The following TENM4 variants were observed in gnomAD, a reference collection of about 807,000 sequenced individuals.
TENM4 encodes the protein teneurin transmembrane protein 4, also known as teneurin-4.
TENM4 carries 82 observed loss-of-function variants against 243.3 expected under a neutral mutation model. The ratio of observed to expected loss-of-function variants is 0.34; its 90% CI spans 0.28 to 0.40. The LOEUF (loss-of-function observed/expected upper bound fraction) is 0.40. TENM4 is among the 10% of genes least tolerant of loss of function. The pLI is 1.00. For missense variants in TENM4, 3,138 were observed against 3,673.3 expected, an observed-to-expected ratio of 0.85 and a Z score of 3.77; for synonymous variants, 1,412 against 1,456.3, an observed-to-expected ratio of 0.97 and a Z score of 0.69.
chr11:78,993,740 G>A (rs934265551), intron 6 of TENM4, among the ~76,000 whole-genome samples: 7 of 152,052 alleles, frequency 4.6e-5, no homozygotes, highest in Non-Finnish European at 1.0e-4. Context: ...AAGATGTTCT[G>A]TTTGCTCACT....
chr11:79,347,762 CTTTTTTTTTTT>C (rs528675032), intron 1 of TENM4, among the ~76,000 whole-genome samples: 3 of 94,692 alleles, frequency 3.2e-5, no homozygotes, highest in African/African-American at 8.8e-5. Flanking sequence ...CTATCCTCTC[CTTTTTTTTTTT>C]TTTTTTTTTT....
intron 6 of TENM4, among the ~76,000 whole-genome samples, chr11:79,007,182 GTATT>G (rs961533101): frequency 2.2e-4 from 33 of 152,296 alleles, no homozygotes; most frequent in African/African-American, 7.9e-4. Flanking sequence ...CCTGTTGGTA[GTATT>G]TCTCCGGAGA....
chr11:79,136,981 G>A lies in TENM4; in HGVS notation c.-66+11729C>T, dbSNP rs117179692. On this transcript the variant is annotated intron_variant, in intron 4 of 33. Coordinates refer to ENST00000278550, the MANE Select transcript of TENM4 (RefSeq NM_001098816.3). ...AGAAGGCCGTGTATGCTCTGAATCA[G>A]CATCCAATCTATGGCACTGTTTCTC... Among the ~76,000 whole-genome samples the A allele has an allele frequency of 9.8e-3, 1,488 of 152,262 alleles. 36 individuals are homozygous for A. The highest frequency in any genetic ancestry group is 0.073 in the East Asian group (378 of 5,166).
chr11:79,347,908 T>C (rs1160801311), intron 1 of TENM4, among the ~76,000 whole-genome samples: 1 of 151,396 alleles, frequency 6.6e-6, no homozygotes, highest in Admixed American at 6.6e-5. Flanking sequence ...GCCTCCCCAG[T>C]AGCTGGGACT....
At chr11:79,126,436 A>T (rs1408997399) in intron 4 of TENM4, among the ~76,000 whole-genome samples, 3 of 152,234 alleles carry the variant, frequency 2.0e-5, no homozygotes, top group African/African-American at 7.2e-5. Flanking sequence ...GAATAATTGG[A>T]TCCCAAGGTG....
intron 1 of TENM4, among the ~76,000 whole-genome samples, chr11:79,346,068 T>C (rs1051031833): frequency 6.6e-6 from 1 of 152,208 alleles, no homozygotes; most frequent in Non-Finnish European, 1.5e-5. Context: ...GATCTCAGTC[T>C]GAAAAGCATA....
intron 25 of TENM4, among the ~76,000 whole-genome samples, chr11:78,716,005 G>A (rs1859513545): frequency 6.6e-6 from 1 of 152,170 alleles, no homozygotes; most frequent in African/African-American, 2.4e-5. Context: ...CACTGCGCTA[G>A]CACTTGATGC....
At chr11:78,927,586 C>T (rs1008057048) in intron 6 of TENM4, among the ~76,000 whole-genome samples, 87 of 152,258 alleles carry the variant, frequency 5.7e-4, no homozygotes, top group African/African-American at 2.0e-3. Flanking sequence ...AGGTTTCGTA[C>T]CTCCCTTTGC....
At chr11:78,951,074 C>G (rs1401210668) in intron 6 of TENM4, among the ~76,000 whole-genome samples, 1 of 152,254 alleles carries the variant, frequency 6.6e-6, no homozygotes. Flanking sequence ...GCAGCGTGCT[C>G]AAGGGCTGCT....
At chr11:78,939,996 A>G (rs677376) in intron 6 of TENM4, among the ~76,000 whole-genome samples, 33,858 of 152,006 alleles carry the variant, frequency 0.22, 3,934 homozygotes, top group African/African-American at 0.25. Context: ...ATATAGAAGA[A>G]AAAAGTACAA....
Position 78,658,335 on chromosome 11 carries a change from C to A in TENM4, c.8033G>T (p.Arg2678Leu). Residue 2678 changes from arginine to leucine, a missense_variant, in exon 34 of 34, where the codon CGC becomes CTC. Arg to Leu is a moderately radical substitution (Grantham distance 102). This residue lies in a region of TENM4 where 2,467 missense variants were observed against 3,059.1 expected (regional missense o/e 0.81). Coordinates refer to ENST00000278550, the MANE Select transcript of TENM4 (RefSeq NM_001098816.3). ...CTCCTCATCCAACGTTGTCCCGTAG[C>A]GTGTGTTCAAGCACAGTGCCCCGTA... ...LQYGALCLNT[R>L]YGTTLDEEKA... is the part of the protein sequence containing the mutation. The A allele has an allele frequency of 6.2e-7, 1 of 1,613,572 alleles. No individual in the cohort carries two copies. Among genetic ancestry groups the A allele is most frequent in the Non-Finnish European group, 8.5e-7 (1 of 1,179,664 alleles).
Position 79,159,011 on chromosome 11 carries a change from T to C in TENM4, c.-162-10205A>G, listed in dbSNP as rs76291233. 4.6e-3 allele frequency among the ~76,000 whole-genome samples: 698 copies of C among 152,272 alleles called. 2 individuals are homozygous for C. Among genetic ancestry groups the C allele is most frequent in the Non-Finnish European group, 7.5e-3 (508 of 68,012 alleles). The stretch of plus-strand genomic sequence containing the variant: ...TCGCAGCCAATATCCACTTTCCTTA[T>C]AGAGAGGTTGAAGTGAGTGGCATGG... On this transcript the variant is annotated intron_variant, in intron 3 of 33. Coordinates refer to ENST00000278550, the MANE Select transcript of TENM4 (RefSeq NM_001098816.3).
At chr11:78,960,690 C>T (rs1857301257) in intron 6 of TENM4, among the ~76,000 whole-genome samples, 3 of 152,174 alleles carry the variant, frequency 2.0e-5, no homozygotes, top group Admixed American at 1.3e-4. Flanking sequence ...GAGGCATTTC[C>T]TAATTCTCTT....
At chr11:78,742,704 G>A (rs1489731298) in intron 19 of TENM4, among the ~76,000 whole-genome samples, 2 of 152,210 alleles carry the variant, frequency 1.3e-5, no homozygotes, top group African/African-American at 4.8e-5. Flanking sequence ...CCTGACTGAG[G>A]TGCCCTTGCC....
chr11:79,370,697 G>A (rs1857764411), intron 1 of TENM4, among the ~76,000 whole-genome samples: 1 of 136,278 alleles, frequency 7.3e-6, no homozygotes, highest in South Asian at 2.4e-4. Flanking sequence ...GAATATCTTT[G>A]TGACCTGGAG....
chr11:78,986,870 G>A (rs973333845), intron 6 of TENM4, among the ~76,000 whole-genome samples: 4 of 152,130 alleles, frequency 2.6e-5, no homozygotes, highest in Non-Finnish European at 4.4e-5. Context: ...GACCCCACTC[G>A]GCTGGTCATT....
intron 4 of TENM4, among the ~76,000 whole-genome samples, chr11:79,119,028 G>GAAA (rs1389770905): frequency 2.6e-5 from 4 of 151,524 alleles, no homozygotes; most frequent in African/African-American, 9.8e-5. Context: ...CATTTTTAAA[G>GAAA]ATAATAAAAT....
intron 3 of TENM4, among the ~76,000 whole-genome samples, chr11:79,179,219 C>A (rs148651297): frequency 1.3e-5 from 2 of 152,228 alleles, no homozygotes; most frequent in Non-Finnish European, 2.9e-5. Flanking sequence ...GCTGGCCTTA[C>A]GTAGTCTGCT....
chr11:78,722,747 C>A lies in TENM4; in HGVS notation c.3721G>T (p.Gly1241Trp), dbSNP rs375133114. 1 of 1,614,042 alleles carries A rather than the reference C, an allele frequency of 6.2e-7. No individual in the cohort carries two copies. The highest frequency in any genetic ancestry group is 2.2e-5 in the East Asian group (1 of 44,894). ...APVALTCGSDGSLYVGDFNYI... is the reference protein window; with the variant it reads ...APVALTCGSDWSLYVGDFNYI... ...TTGAAATCACCCACATAGAGGCTCC[C>A]GTCAGAGCCACAGGTGAGGGCCACT... is the stretch of plus-strand genomic sequence containing the variant. The change falls in exon 24 of 34, where the codon GGG becomes TGG. Residue 1241 changes from glycine to tryptophan, a missense_variant. Gly to Trp is a radical substitution (Grantham distance 184). Transcript: ENST00000278550.
Sources: allele counts gnomAD v4.1 joint callset (sites outside exome capture counted in the v4.1 genomes callset), GRCh38; gene constraint gnomAD v4.1.1; regional missense constraint gnomAD v4.1.1; transcripts MANE v1.5; gene names NCBI Gene and HGNC (gene_info 2026-07-23, HGNC 2026-07-21).